CACNA2D3: variants seen among roughly 807,000 people sequenced by gnomAD.
CACNA2D3 encodes the protein calcium voltage-gated channel auxiliary subunit alpha2delta 3, also known as voltage-dependent calcium channel subunit alpha-2/delta-3.
Under a neutral mutation model 160.6 loss-of-function variants are expected in CACNA2D3, and 60 were observed. The observed-to-expected ratio is 0.37, with a 90% CI of 0.30 to 0.46. CACNA2D3 has a LOEUF of 0.46. CACNA2D3 is among the 20% of genes least tolerant of loss of function. The pLI, the probability that CACNA2D3 is intolerant of heterozygous loss-of-function variation, is 1.00. For missense variants in CACNA2D3, 1,205 were observed against 1,365.0 expected (o/e 0.88, Z 1.85); for synonymous variants, 558 against 492.9 (o/e 1.13, Z -1.75).
At chr3:54,503,905 GT>G (rs1272296710) in intron 5 of CACNA2D3, among the ~76,000 whole-genome samples, 1 of 152,186 alleles carries the variant, frequency 6.6e-6, no homozygotes, top group Non-Finnish European at 1.5e-5. Context: ...GGGGTTGGCA[GT>G]TTCTATAAAG....
At chr3:54,477,367 A>G (rs1054821663) in intron 4 of CACNA2D3, among the ~76,000 whole-genome samples, 2 of 152,190 alleles carry the variant, frequency 1.3e-5, no homozygotes, top group Non-Finnish European at 1.5e-5. Context: ...AATCTAGGAC[A>G]TGGATATTTA....
intron 35 of CACNA2D3, among the ~76,000 whole-genome samples, chr3:55,061,398 C>T (rs1275514673): frequency 6.6e-6 from 1 of 152,192 alleles, no homozygotes; most frequent in Admixed American, 6.5e-5. Flanking sequence ...TTCTAGGGCT[C>T]AGCTCCCTAA....
intron 31 of CACNA2D3, among the ~76,000 whole-genome samples, chr3:54,996,160 C>T (rs10865991): frequency 0.4 from 60,930 of 152,206 alleles, 13,461 homozygotes; most frequent in East Asian, 0.55. Context: ...CATTGTGGTG[C>T]AGTTGCTATG....
chr3:54,609,537 T>C (rs1163648932), intron 9 of CACNA2D3, among the ~76,000 whole-genome samples: 2 of 152,184 alleles, frequency 1.3e-5, no homozygotes, highest in Non-Finnish European at 2.9e-5. Flanking sequence ...TCCTTTTTTA[T>C]TGGCAAAGCA....
intron 27 of CACNA2D3, chr3:54,927,848 G>A: frequency 2.0e-5 from 31 of 1,584,126 alleles, no homozygotes; most frequent in Non-Finnish European, 2.7e-5. Context: ...CTTTGTGAGG[G>A]GATACCATCT....
chr3:54,661,464 GT>G (rs1444791157), intron 11 of CACNA2D3, among the ~76,000 whole-genome samples: 5 of 152,058 alleles, frequency 3.3e-5, no homozygotes, highest in African/African-American at 9.7e-5. Context: ...ATTGAAATGT[GT>G]TTCGTCTCCA....
At chr3:54,898,140 T>TTTTC (rs200890041) in intron 26 of CACNA2D3, among the ~76,000 whole-genome samples, 1 of 124,370 alleles carries the variant, frequency 8.0e-6, no homozygotes, top group Non-Finnish European at 1.8e-5. Flanking sequence ...TCTTTTTCTT[T>TTTTC]TTTCTTTCTT....
At chr3:54,461,931 T>C (rs1350813121) in intron 4 of CACNA2D3, among the ~76,000 whole-genome samples, 1 of 152,240 alleles carries the variant, frequency 6.6e-6, no homozygotes, top group Non-Finnish European at 1.5e-5. Flanking sequence ...TAAATTTCCC[T>C]CTACACACTG....
At chr3:54,784,008 A>G (rs1304776625) in intron 13 of CACNA2D3, among the ~76,000 whole-genome samples, 1 of 152,212 alleles carries the variant, frequency 6.6e-6, no homozygotes, top group Non-Finnish European at 1.5e-5. Flanking sequence ...AAATCATGAA[A>G]TGTTATTCAT....
chr3:54,267,748 G>T (rs1702546667), intron 2 of CACNA2D3, among the ~76,000 whole-genome samples: 1 of 152,180 alleles, frequency 6.6e-6, no homozygotes, highest in Non-Finnish European at 1.5e-5. Context: ...TATAGAAGAT[G>T]AGGTACCTGT....
intron 3 of CACNA2D3, among the ~76,000 whole-genome samples, chr3:54,368,379 G>T (rs1005978762): frequency 6.6e-6 from 1 of 152,066 alleles, no homozygotes; most frequent in African/African-American, 2.4e-5. Context: ...TTACTATTTT[G>T]TGCAGTCTTC....
intron 11 of CACNA2D3, among the ~76,000 whole-genome samples, chr3:54,701,191 T>C (rs1310997158): frequency 6.6e-6 from 1 of 152,216 alleles, no homozygotes; most frequent in African/African-American, 2.4e-5. Flanking sequence ...TTTGTCTTTA[T>C]TTCTACCAAC....
intron 2 of CACNA2D3, among the ~76,000 whole-genome samples, chr3:54,158,549 A>G (rs1484510970): frequency 6.6e-6 from 1 of 152,176 alleles, no homozygotes; most frequent in African/African-American, 2.4e-5. Flanking sequence ...AACAAAGAGT[A>G]CTGTAGATAC....
chr3:54,497,497 GTTATA>G (rs1022658537), intron 4 of CACNA2D3, among the ~76,000 whole-genome samples: 1 of 151,884 alleles, frequency 6.6e-6, no homozygotes, highest in African/African-American at 2.4e-5. Flanking sequence ...CTCTCTTTAA[GTTATA>G]TTATGTGAAT....
chr3:54,266,957 C>G (rs1402643331), intron 2 of CACNA2D3, among the ~76,000 whole-genome samples: 1 of 152,070 alleles, frequency 6.6e-6, no homozygotes, highest in Non-Finnish European at 1.5e-5. Flanking sequence ...TTGACTTTAC[C>G]TTGGTGTGCC....
intron 27 of CACNA2D3, among the ~76,000 whole-genome samples, chr3:54,904,431 C>A (rs972483936): frequency 2.6e-5 from 4 of 152,144 alleles, no homozygotes; most frequent in African/African-American, 9.7e-5. Flanking sequence ...CCCTGTTTAT[C>A]TTCTAGACCC....
chr3:55,060,373 A>G (rs1704477263), intron 35 of CACNA2D3, among the ~76,000 whole-genome samples: 1 of 152,162 alleles, frequency 6.6e-6, no homozygotes, highest in Non-Finnish European at 1.5e-5. Flanking sequence ...GATGATAGTC[A>G]CGATGATGGT....
intron 11 of CACNA2D3, among the ~76,000 whole-genome samples, chr3:54,707,541 A>C (rs1700879831): frequency 6.6e-6 from 1 of 152,204 alleles, no homozygotes; most frequent in African/African-American, 2.4e-5. Flanking sequence ...TGATGGTTTC[A>C]GATTGACATT....
intron 9 of CACNA2D3, among the ~76,000 whole-genome samples, chr3:54,616,640 G>A (rs1315575645): frequency 1.3e-5 from 2 of 152,168 alleles, no homozygotes; most frequent in Non-Finnish European, 2.9e-5. Flanking sequence ...CGATGTAGAT[G>A]GTGTCAGGAT....
Sources: gnomAD v4.1 joint callset for allele counts (sites outside exome capture counted in the v4.1 genomes callset) on GRCh38, gnomAD v4.1.1 for gene constraint, MANE v1.5 for transcripts, NCBI Gene and HGNC (gene_info 2026-07-23, HGNC 2026-07-21) for gene names.